SMAD6: variants seen among roughly 807,000 people sequenced by gnomAD.
The protein encoded by SMAD6 is SMAD family member 6.
Under a neutral mutation model 39.4 loss-of-function variants are expected in SMAD6, and 103 were observed. The observed-to-expected ratio is 2.62, with a 90% CI of 2.23 to 3.08. The LOEUF (loss-of-function observed/expected upper bound fraction) is 3.08. SMAD6 is among the 30% of genes most tolerant of loss of function. SMAD6 has a pLI of 0.00. For missense variants in SMAD6, 1,104 were observed against 742.9 expected (o/e 1.49, Z -5.65); for synonymous variants, 445 against 353.3 (o/e 1.26, Z -2.91).
chr15:66,727,242 A>G (rs1893538858), intron 3 of SMAD6, among the ~76,000 whole-genome samples: 1 of 151,908 alleles, frequency 6.6e-6, no homozygotes, highest in Non-Finnish European at 1.5e-5. Context: ...AGCTGGGACT[A>G]CAAGCGTGCG....
chr15:66,716,336 A>C (rs1330988340), intron 2 of SMAD6, 85 bp from the exon 3 acceptor site: 1 of 938,648 alleles, frequency 1.1e-6, no homozygotes. Flanking sequence ...ACACACGTGC[A>C]CATGTACAGA....
intron 3 of SMAD6, among the ~76,000 whole-genome samples, chr15:66,762,711 A>G (rs927837288): frequency 1.3e-5 from 2 of 152,088 alleles, no homozygotes; most frequent in African/African-American, 4.8e-5. Context: ...TTCCAGAGAT[A>G]TAGATAAAGA....
intron 3 of SMAD6, among the ~76,000 whole-genome samples, chr15:66,762,525 G>T (rs894507607): frequency 3.9e-5 from 6 of 152,168 alleles, no homozygotes; most frequent in African/African-American, 1.4e-4. Context: ...TCCGTGGTGG[G>T]GTGGGAGCAC....
intron 3 of SMAD6, among the ~76,000 whole-genome samples, chr15:66,737,120 G>A (rs1595779176): frequency 6.6e-6 from 1 of 152,336 alleles, no homozygotes; most frequent in Middle Eastern, 3.4e-3. Context: ...GGAGGAGCTG[G>A]CATCACTTCT....
At chr15:66,738,233 C>T (rs1038972765) in intron 3 of SMAD6, among the ~76,000 whole-genome samples, 3 of 152,212 alleles carry the variant, frequency 2.0e-5, no homozygotes, top group African/African-American at 4.8e-5. Flanking sequence ...AGCTCCTACG[C>T]TTGTGGGCCA....
intron 3 of SMAD6, chr15:66,717,325 C>T (rs1463293536): frequency 4.4e-6 from 2 of 459,130 alleles, no homozygotes; most frequent in African/African-American, 2.0e-5. Flanking sequence ...ATTCTTCCCT[C>T]ACCCCACATC....
intron 3 of SMAD6, among the ~76,000 whole-genome samples, chr15:66,745,885 T>C (rs1478897495): frequency 2.0e-5 from 3 of 152,190 alleles, no homozygotes; most frequent in Non-Finnish European, 4.4e-5. Flanking sequence ...GGAGGACCTT[T>C]CAATTCCTCT....
intron 3 of SMAD6, among the ~76,000 whole-genome samples, chr15:66,722,229 C>T (rs2140613544): frequency 6.6e-6 from 1 of 152,340 alleles, no homozygotes; most frequent in African/African-American, 2.4e-5. Context: ...GTTGCTATCA[C>T]ATGACGATGC....
At chr15:66,752,423 A>T (rs549800192) in intron 3 of SMAD6, among the ~76,000 whole-genome samples, 2 of 152,116 alleles carry the variant, frequency 1.3e-5, no homozygotes, top group African/African-American at 4.8e-5. Context: ...GTCTTGTGTC[A>T]CTCTACCAGC....
At chr15:66,711,828 A>AG in intron 2 of SMAD6, 104 bp downstream of exon 2, 1 of 956,836 alleles carries the variant, frequency 1.0e-6, no homozygotes, top group South Asian at 1.3e-5. Context: ...GGAGGGCTGG[A>AG]GGGGAGGGGT....
intron 3 of SMAD6, among the ~76,000 whole-genome samples, chr15:66,756,426 A>G (rs1219431964): frequency 6.6e-6 from 1 of 152,218 alleles, no homozygotes; most frequent in African/African-American, 2.4e-5. Context: ...TCCGTTTAAC[A>G]GGGATATTTT....
At position 66,781,146 on chromosome 15, in the gene SMAD6, C is replaced by G. The variant is rs1555440081; in HGVS notation, c.1102C>G (p.Leu368Val). ...CCTACCTCAGGGCAGCGGCTTCTGC[C>G]TGGGCCAGCTCAACCTGGAGCAGCG... ...YDLPQGSGFC[L>V]GQLNLEQRSE... The change falls in exon 4 of 4, where the codon CTG (leucine) becomes GTG (valine). Residue 368 changes from leucine to valine, a missense_variant. Transcript: ENST00000288840. The G allele has an allele frequency of 1.2e-6, 2 of 1,608,382 alleles. No homozygotes were observed. Among genetic ancestry groups the G allele is most frequent in the Middle Eastern group, 1.6e-4 (1 of 6,062 alleles).
chr15:66,712,688 CAA>C lies in SMAD6; in HGVS notation c.874+986_874+987del, dbSNP rs775687604. Among the ~76,000 whole-genome samples, 437 of 49,348 alleles carry C rather than the reference CAA, an allele frequency of 8.9e-3. 2 individuals are homozygous for C. Among genetic ancestry groups the C allele is most frequent in the African/African-American group, 0.03 (421 of 14,068 alleles). 32.4% of individuals were successfully genotyped at this position (49,348 alleles called of 152,430 possible). On this transcript the variant is annotated intron_variant, in intron 2 of 3. Coordinates refer to ENST00000288840, the MANE Select transcript of SMAD6 (RefSeq NM_005585.5). ...CGACAGAGTGAGTGAAATTCTGTCT[CAA>C]AAAAAAAAAAAAAAAAAAAAAGAGT...
intron 3 of SMAD6, among the ~76,000 whole-genome samples, chr15:66,750,101 T>C (rs1893975954): frequency 6.6e-6 from 1 of 152,042 alleles, no homozygotes; most frequent in Non-Finnish European, 1.5e-5. Context: ...TGGGCTGCTG[T>C]GGGGGACGCA....
At chr15:66,731,788 A>T (rs900209705) in intron 3 of SMAD6, among the ~76,000 whole-genome samples, 3 of 152,176 alleles carry the variant, frequency 2.0e-5, no homozygotes, top group African/African-American at 7.2e-5. Flanking sequence ...ATAACTTTAC[A>T]ACAGGCACTG....
chr15:66,752,427 T>A lies in SMAD6; in HGVS notation c.953-28570T>A, dbSNP rs1270313256. Among the ~76,000 whole-genome samples, 6 of 152,228 alleles carry A rather than the reference T, an allele frequency of 3.9e-5. No homozygotes were observed. In the East Asian group the frequency reaches 1.2e-3, roughly 29 times the overall value. The stretch of plus-strand genomic sequence containing the variant: ...TAGGATAGATGGTCTTGTGTCACTC[T>A]ACCAGCTCTTGCCTCTGTTTTCAAA... On this transcript the variant is annotated intron_variant, in intron 3 of 3. Coordinates refer to ENST00000288840, the MANE Select transcript of SMAD6 (RefSeq NM_005585.5).
chr15:66,707,436 G>A (rs1163010570), intron 1 of SMAD6: 1 of 152,220 alleles, frequency 6.6e-6, no homozygotes, highest in Non-Finnish European at 1.5e-5. Flanking sequence ...ATTAGAATGG[G>A]CTAGAAAGTT....
Position 66,747,759 on chromosome 15 carries a change from T to C in SMAD6, c.952+31261T>C, listed in dbSNP as rs903136772. On this transcript the variant is annotated intron_variant, in intron 3 of 3. Transcript: ENST00000288840. This position sits in a 1 kb window ranked among gnomAD's most constrained non-coding sequence, Gnocchi z 4.5. The stretch of plus-strand genomic sequence containing the variant: ...AGAATGCAGGGCCAATGCAAATGAC[T>C]TGGGGATCACTGGACATCAGGGATT... 9.9e-5 allele frequency among the ~76,000 whole-genome samples: 15 copies of C among 152,206 alleles called. No individual in the cohort carries two copies. The highest frequency in any genetic ancestry group is 2.1e-4 in the Non-Finnish European group (14 of 68,026).
At chr15:66,746,395 C>T (rs1161008044) in intron 3 of SMAD6, among the ~76,000 whole-genome samples, 2 of 152,076 alleles carry the variant, frequency 1.3e-5, no homozygotes, top group Admixed American at 6.6e-5. Flanking sequence ...AGTTAAAGGT[C>T]TCCCTCCCTG....
Sources: gnomAD v4.1 joint callset for allele counts (sites outside exome capture counted in the v4.1 genomes callset) on GRCh38, gnomAD v4.1.1 for gene constraint, Gnocchi (gnomAD v3.1) non-coding constraint, MANE v1.5 for transcripts, NCBI Gene and HGNC (gene_info 2026-07-23, HGNC 2026-07-21) for gene names.